Variants in TTC6 observed in about 807,000 individuals in gnomAD.
TTC6 encodes the protein tetratricopeptide repeat protein 6.
TTC6 carries 172 observed loss-of-function variants against 210.4 expected under a neutral mutation model. That is an observed-to-expected ratio of 0.82 (90% CI 0.72 to 0.93). The LOEUF is 0.93. TTC6 is among the 40% of genes least tolerant of loss of function. The pLI, the probability that TTC6 is intolerant of heterozygous loss-of-function variation, is 0.00. For synonymous variants in TTC6, 804 were observed against 819.6 expected, an observed-to-expected ratio of 0.98 and a Z score of 0.32; for missense variants, 2,414 against 2,318.1, an observed-to-expected ratio of 1.04 and a Z score of -0.85.
intron 3 of TTC6, among the ~76,000 whole-genome samples, chr14:37,693,983 C>G (rs528330863): frequency 1.1e-4 from 1 of 9,250 alleles, no homozygotes; most frequent in Non-Finnish European, 2.3e-4. Flanking sequence ...ACCACAAAAA[C>G]AAACAAACAA....
At chr14:37,783,661 G>T in intron 14 of TTC6, among the ~76,000 whole-genome samples, 1 of 151,918 alleles carries the variant, frequency 6.6e-6, no homozygotes, top group African/African-American at 2.4e-5. Context: ...GTTATTTCTT[G>T]CCTTCTGCTA....
At chr14:37,815,846 A>G (rs1297770901) in intron 25 of TTC6, among the ~76,000 whole-genome samples, 1 of 152,138 alleles carries the variant, frequency 6.6e-6, no homozygotes, top group East Asian at 1.9e-4. Context: ...TTTTATGTCT[A>G]TTGTTGATAA....
Position 37,796,791 on chromosome 14 carries a change from CAGTG to C in TTC6, c.3877_3880del (p.Glu1293Ter). On this transcript the variant is annotated frameshift_variant, in exon 20 of 31. Transcript: ENST00000553443. LOFTEE classifies it high-confidence loss of function. Reference sequence around the variant, plus strand: ...TAAACTTTCCTTCCCTTTTAGGTCTCAGTGAGTTGAGTCCTATGCAGCAAGCCCT... The same window carrying C: ...TAAACTTTCCTTCCCTTTTAGGTCTCAGTTGAGTCCTATGCAGCAAGCCCT... 1.3e-6 allele frequency: 2 copies of C among 1,596,794 alleles called. No individual in the cohort carries two copies. Among genetic ancestry groups the C allele is most frequent in the Non-Finnish European group, 1.7e-6 (2 of 1,173,218 alleles).
chr14:37,721,847 C>CATATATATATATATATATATATGT (rs2095862286), intron 6 of TTC6, among the ~76,000 whole-genome samples: 1 of 117,266 alleles, frequency 8.5e-6, no homozygotes, highest in South Asian at 3.1e-4. Flanking sequence ...TGAGTTTCAC[C>CATATATATATATATATATATATGT]ATATATATAT....
rs188017706 is a variant in TTC6 at position 37,689,139 on chromosome 14, G to T, written c.1257+6175G>T. On this transcript the variant is annotated intron_variant, in intron 3 of 30. Coordinates refer to ENST00000553443, the Ensembl canonical transcript of TTC6. The stretch of plus-strand genomic sequence containing the variant: ...AATTGAAATAATTAGAAAGAATCAA[G>T]CAGAAATTCTGGAGTTGAAAAATGC... Among the ~76,000 whole-genome samples, 115 of 152,052 alleles carry T rather than the reference G, an allele frequency of 7.6e-4. 1 individual carries two copies. Among genetic ancestry groups the T allele is most frequent in the African/African-American group, 2.7e-3 (112 of 41,482 alleles).
Position 37,771,855 on chromosome 14 carries a change from T to G in TTC6, c.3267-15613T>G, listed in dbSNP as rs919608572. 3.3e-5 allele frequency among the ~76,000 whole-genome samples: 5 copies of G among 152,350 alleles called. No individual in the cohort carries two copies. The South Asian group carries it at 6.2e-4, about 19-fold the overall frequency. On this transcript the variant is annotated intron_variant, in intron 14 of 30. Transcript: ENST00000553443. The stretch of plus-strand genomic sequence containing the variant: ...TGTTCCGTTGCTCGTGAGGAACTGC[T>G]TTCCTTTGGAGGAGGAGAGGCGCTC...
At chr14:37,799,920 A>G (rs2096102152) in intron 20 of TTC6, among the ~76,000 whole-genome samples, 1 of 152,072 alleles carries the variant, frequency 6.6e-6, no homozygotes, top group East Asian at 1.9e-4. Context: ...CTGGCCCCTC[A>G]CCTCTGCTTG....
intron 4 of TTC6, among the ~76,000 whole-genome samples, chr14:37,698,302 A>C (rs11156964): frequency 1 from 151,704 of 152,280 alleles, 75,572 homozygotes; most frequent in Middle Eastern, 1. Flanking sequence ...TTATTTAGGT[A>C]AATAACCAAG....
intron 14 of TTC6, among the ~76,000 whole-genome samples, chr14:37,753,743 ATTTT>A (rs3062809): frequency 7.2e-6 from 1 of 139,392 alleles, no homozygotes; most frequent in Non-Finnish European, 1.5e-5. Flanking sequence ...TAATTTTTCA[ATTTT>A]TTTTTTTTTT....
chr14:37,707,342 T>C (rs2095837383), intron 5 of TTC6, among the ~76,000 whole-genome samples: 1 of 152,052 alleles, frequency 6.6e-6, no homozygotes, highest in Admixed American at 6.6e-5. Context: ...TGTTGAGTAA[T>C]GTTTCTATTC....
intron 15 of TTC6, among the ~76,000 whole-genome samples, chr14:37,788,594 G>A (rs1217342131): frequency 6.6e-6 from 1 of 152,108 alleles, no homozygotes; most frequent in Non-Finnish European, 1.5e-5. Flanking sequence ...AGGGGACTGA[G>A]GATTTCTGTC....
chr14:37,721,615 A>G (rs959771143), intron 6 of TTC6, among the ~76,000 whole-genome samples: 1 of 151,998 alleles, frequency 6.6e-6, no homozygotes, highest in Non-Finnish European at 1.5e-5. Flanking sequence ...TTCTTAAATG[A>G]AAATGGAGGC....
intron 1 of TTC6, among the ~76,000 whole-genome samples, chr14:37,653,261 C>T (rs1303289028): frequency 2.0e-5 from 3 of 152,222 alleles, no homozygotes; most frequent in African/African-American, 7.2e-5. Context: ...ATATATATGA[C>T]ATGAAATGAT....
At position 37,688,183 on chromosome 14, in the gene TTC6, C is replaced by T. The variant is rs147445218; in HGVS notation, c.1257+5219C>T. Among the ~76,000 whole-genome samples the T allele has an allele frequency of 2.6e-3, 401 of 152,176 alleles. 3 individuals carry two copies. Among genetic ancestry groups the T allele is most frequent in the African/African-American group, 8.9e-3 (368 of 41,526 alleles). On this transcript the variant is annotated intron_variant, in intron 3 of 30. Transcript: ENST00000553443. Reference sequence around the variant, plus strand: ...AATACTCCTCGTGGGCCTGAGATGGCGGTGGCCACAGGGAGAGGCTTCTCT... The same window carrying T: ...AATACTCCTCGTGGGCCTGAGATGGTGGTGGCCACAGGGAGAGGCTTCTCT...
intron 29 of TTC6, among the ~76,000 whole-genome samples, chr14:37,836,862 A>G (rs904556908): frequency 3.9e-5 from 6 of 152,148 alleles, no homozygotes; most frequent in African/African-American, 1.2e-4. Context: ...TAAAAAATGT[A>G]TGTAATCTGG....
At chr14:37,677,851 T>G (rs991320441) in intron 1 of TTC6, among the ~76,000 whole-genome samples, 1 of 152,176 alleles carries the variant, frequency 6.6e-6, no homozygotes, top group Non-Finnish European at 1.5e-5. Context: ...TTTTAGATGA[T>G]GTATGTTCTA....
intron 1 of TTC6, among the ~76,000 whole-genome samples, chr14:37,635,148 G>T (rs1480676156): frequency 6.6e-6 from 1 of 152,158 alleles, no homozygotes; most frequent in Admixed American, 6.5e-5. Flanking sequence ...GGCTCTAAAT[G>T]CTGGTAGAGG....
intron 25 of TTC6, among the ~76,000 whole-genome samples, chr14:37,816,009 G>A (rs747529285): frequency 6.7e-6 from 1 of 148,672 alleles, no homozygotes; most frequent in Non-Finnish European, 1.5e-5. Flanking sequence ...GGGAATGTTT[G>A]TAATAAAGCT....
chr14:37,751,665 C>T (rs2095952404), intron 13 of TTC6, among the ~76,000 whole-genome samples: 1 of 152,088 alleles, frequency 6.6e-6, no homozygotes, highest in East Asian at 1.9e-4. Flanking sequence ...TTCGTTCATA[C>T]GTTCATTCAC....
Sources: allele counts gnomAD v4.1 joint callset (sites outside exome capture counted in the v4.1 genomes callset), GRCh38; gene constraint gnomAD v4.1.1; transcripts MANE v1.5; gene names NCBI Gene and HGNC (gene_info 2026-07-23, HGNC 2026-07-21).